The following RBFOX1 variants were observed in gnomAD, a reference collection of about 807,000 sequenced individuals.
RBFOX1 encodes RNA binding protein fox-1 homolog 1.
In RBFOX1, 8 loss-of-function variants were observed where a neutral mutation model predicts 57.7. The ratio of observed to expected loss-of-function variants is 0.14; its 90% CI spans 0.08 to 0.25. The LOEUF (loss-of-function observed/expected upper bound fraction) is 0.25, where lower values mean the gene tolerates loss of function less well. Among genes scored for constraint, RBFOX1 ranks in the 10% least tolerant of loss-of-function variants. RBFOX1 has a pLI of 1.00. For synonymous variants in RBFOX1, 326 were observed against 222.4 expected (o/e 1.47, Z -4.15); for missense variants, 611 against 548.5 (o/e 1.11, Z -1.14).
intron 1 of RBFOX1, among the ~76,000 whole-genome samples, chr16:5,456,943 G>A (rs953735837): frequency 4.6e-5 from 7 of 152,200 alleles, no homozygotes; most frequent in African/African-American, 1.2e-4. Flanking sequence ...ATCTTAGTCC[G>A]TTTGGGCTGC....
At chr16:6,814,979 T>C (rs1603628131) in intron 3 of RBFOX1, among the ~76,000 whole-genome samples, 1 of 152,164 alleles carries the variant, frequency 6.6e-6, no homozygotes, top group African/African-American at 2.4e-5. Flanking sequence ...AGAGCAGTGG[T>C]ATGGGCCGCC....
chr16:5,454,958 CCTTTCTTTCTTTCTTTCTTTCTTT>C (rs1169954657), intron 1 of RBFOX1, among the ~76,000 whole-genome samples: 256 of 30,418 alleles, frequency 8.4e-3, no homozygotes, highest in Middle Eastern at 0.054. Flanking sequence ...TTCCTTCCTT[CCTTTCTTTCTTTCTTTCTTTCTTT>C]CTTTCTTTCT....
chr16:6,542,096 CT>C (rs1012587633), intron 2 of RBFOX1, among the ~76,000 whole-genome samples: 6 of 151,902 alleles, frequency 3.9e-5, no homozygotes, highest in Non-Finnish European at 8.8e-5. Flanking sequence ...ACAGAGATAA[CT>C]TTTTTTTCTT....
chr16:6,346,341 C>A (rs925072805), intron 2 of RBFOX1, among the ~76,000 whole-genome samples: 5 of 152,134 alleles, frequency 3.3e-5, no homozygotes, highest in African/African-American at 9.7e-5. Context: ...TGACTGAGTC[C>A]TTAGTTAACA....
intron 1 of RBFOX1, among the ~76,000 whole-genome samples, chr16:6,043,325 TG>T (rs1567320922): frequency 6.6e-6 from 1 of 152,078 alleles, no homozygotes; most frequent in Non-Finnish European, 1.5e-5. Context: ...GCTGCATTCA[TG>T]GAGGTTCTTC....
At chr16:6,293,746 T>C (rs7186816) in intron 1 of RBFOX1, among the ~76,000 whole-genome samples, 124,736 of 148,108 alleles carry the variant, frequency 0.84, 51,357 homozygotes, top group East Asian at 0.99. Context: ...TGATCTGAAC[T>C]TTGAAGCATG....
chr16:7,449,615 C>T (rs1432590297), intron 4 of RBFOX1, among the ~76,000 whole-genome samples: 1 of 151,670 alleles, frequency 6.6e-6, no homozygotes, highest in Non-Finnish European at 1.5e-5. Flanking sequence ...TCAATTCAAG[C>T]CTGCACATCC....
chr16:7,606,584 T>C (rs2095294762), intron 9 of RBFOX1, among the ~76,000 whole-genome samples: 1 of 152,198 alleles, frequency 6.6e-6, no homozygotes, highest in South Asian at 2.1e-4. Flanking sequence ...TTTTTGTGAG[T>C]AAAGATTTCT....
At chr16:5,366,067 T>C in intron 1 of RBFOX1, 5 of 473,004 alleles carry the variant, frequency 1.1e-5, no homozygotes, top group South Asian at 8.1e-5. Context: ...CCTTGGGGCT[T>C]TGAAATCATA....
At chr16:7,502,449 A>G (rs1306156856) in intron 4 of RBFOX1, among the ~76,000 whole-genome samples, 2 of 152,160 alleles carry the variant, frequency 1.3e-5, no homozygotes, top group Admixed American at 1.3e-4. Context: ...GGTGGTTGCT[A>G]AGTTTTCACC....
At chr16:6,991,884 G>T (rs1386360885) in intron 3 of RBFOX1, among the ~76,000 whole-genome samples, 1 of 152,162 alleles carries the variant, frequency 6.6e-6, no homozygotes, top group African/African-American at 2.4e-5. Context: ...TCAGGGTTTT[G>T]TATCAAATTC....
chr16:5,411,603 C>T (rs537576), intron 1 of RBFOX1, among the ~76,000 whole-genome samples: 31,325 of 152,072 alleles, frequency 0.21, 3,323 homozygotes, highest in Middle Eastern at 0.26. Context: ...ACAGCAGCAA[C>T]AGAAAATTAG....
intron 4 of RBFOX1, among the ~76,000 whole-genome samples, chr16:7,120,178 G>A (rs112995950): frequency 1.3e-5 from 2 of 152,168 alleles, no homozygotes; most frequent in East Asian, 1.9e-4. Flanking sequence ...ATGGTGGGAA[G>A]CGAAAGCAGT....
chr16:7,136,404 A>ATTTTTTTTTTTT (rs35623726), intron 4 of RBFOX1, among the ~76,000 whole-genome samples: 3 of 110,942 alleles, frequency 2.7e-5, no homozygotes, highest in African/African-American at 1.1e-4. Flanking sequence ...TCATCTTGGG[A>ATTTTTTTTTTTT]TTTTTTTTTT....
chr16:6,599,110 A>C (rs192662420), intron 2 of RBFOX1, among the ~76,000 whole-genome samples: 11 of 152,270 alleles, frequency 7.2e-5, no homozygotes, highest in Non-Finnish European at 1.5e-4. Context: ...GTATGTTCCA[A>C]ATCACCTGAT....
In RBFOX1 at chr16:6,006,375, G is replaced by GA. The variant is rs35574832; in HGVS notation, c.351+139052dup. ...GGATTTGTTTGAGCCCTACTGTAGG[G>GA]AAAAAAAAAAAAGGAAAAAAATGTT... On this transcript the variant is annotated intron_variant, in intron 4 of 19. Coordinates refer to the RBFOX1 transcript ENST00000641259. 9.0e-4 allele frequency among the ~76,000 whole-genome samples: 133 copies of GA among 147,034 alleles called. 1 individual carries two copies. In the East Asian group the frequency reaches 0.015, roughly 17 times the overall value.
intron 1 of RBFOX1, among the ~76,000 whole-genome samples, chr16:6,197,694 A>G (rs1266971167): frequency 6.6e-6 from 1 of 151,024 alleles, no homozygotes; most frequent in East Asian, 1.9e-4. Context: ...TCTTATATAG[A>G]TAAAGTCATG....
At chr16:5,746,648 C>T (rs577195166) in intron 3 of RBFOX1, among the ~76,000 whole-genome samples, 64 of 152,232 alleles carry the variant, frequency 4.2e-4, no homozygotes, top group African/African-American at 1.3e-3. Context: ...TTGAAGAGGT[C>T]CTTCACATCC....
intron 1 of RBFOX1, among the ~76,000 whole-genome samples, chr16:6,210,376 A>AG (rs2097287848): frequency 7.0e-6 from 1 of 142,364 alleles, no homozygotes; most frequent in Non-Finnish European, 1.6e-5. Flanking sequence ...AAAAAAAAAA[A>AG]AAGAGAAAGG....
Sources: allele counts gnomAD v4.1 joint callset (sites outside exome capture counted in the v4.1 genomes callset), GRCh38; gene constraint gnomAD v4.1.1; transcripts MANE v1.5; gene names NCBI Gene and HGNC (gene_info 2026-07-23, HGNC 2026-07-21).